ANKRD36B: variants seen among roughly 807,000 people sequenced by gnomAD.
The protein encoded by ANKRD36B is ankyrin repeat domain 36B.
Under a neutral mutation model 135.7 loss-of-function variants are expected in ANKRD36B, and 37 were observed. That is an observed-to-expected ratio of 0.27 (90% confidence interval 0.21 to 0.36). ANKRD36B has a LOEUF of 0.36. Ranked by LOEUF, ANKRD36B falls within the 10% of genes least tolerant of loss-of-function variation. ANKRD36B has a pLI of 1.00. For synonymous variants in ANKRD36B, 179 were observed against 348.1 expected (o/e 0.51, Z 5.41); for missense variants, 549 against 1,037.1 (o/e 0.53, Z 6.46).
rs2079746629 is a variant in ANKRD36B at position 97,548,780 on chromosome 2, C to T, written c.1477+639G>A. Among the ~76,000 whole-genome samples the T allele has an allele frequency of 1.3e-5, 2 of 151,922 alleles. 1 individual carries two copies. Among genetic ancestry groups the T allele is most frequent in the South Asian group, 4.1e-4 (2 of 4,828 alleles). Reference sequence around the variant, plus strand: ...AGTAATGACTCAGTGTGTTTTTATGCCAATTCTAGGATTGTTTCCTTCTTC... The same window carrying T: ...AGTAATGACTCAGTGTGTTTTTATGTCAATTCTAGGATTGTTTCCTTCTTC... On this transcript the variant is annotated intron_variant, in intron 20 of 43. Coordinates refer to ENST00000359901, the MANE Select transcript of ANKRD36B (RefSeq NM_001393939.1).
chr2:97,536,174 C>A, intron 34 of ANKRD36B, 126 bp downstream of exon 34: 1 of 420,098 alleles, frequency 2.4e-6, no homozygotes. Flanking sequence ...ATAACAGCTG[C>A]ATTATTTAGA....
Position 97,585,343 on chromosome 2 carries a change from C to G in ANKRD36B, c.217G>C (p.Val73Leu), listed in dbSNP as rs2082904821. The change falls in exon 2 of 44, where the codon GTG becomes CTG. Residue 73 changes from valine to leucine, a missense_variant. Physicochemically the swap from Val to Leu is conservative, Grantham distance 32 (BLOSUM62 1). Transcript: ENST00000359901. ...TGQPEMVHLL[V>L]SRRCELNLCD... ...AGGTTAAGCTCACATCTTCTGGACA[C>G]CAGGAGATGTACCATTTCCGGTTGG... 6.4e-7 allele frequency: 1 copy of G among 1,571,208 alleles called. No homozygotes were observed. Among genetic ancestry groups the G allele is most frequent in the Non-Finnish European group, 8.6e-7 (1 of 1,156,590 alleles).
At position 97,572,458 on chromosome 2, in the gene ANKRD36B, T is replaced by A. The variant is rs1211990174; in HGVS notation, c.763+3921A>T. ...AATTTAGAATTTAAAATTTAAAATT[T>A]AAAAAAATTTAAAAGACACCTTAAG... On this transcript the variant is annotated intron_variant, in intron 6 of 43. Transcript: ENST00000359901. Among the ~76,000 whole-genome samples, 10 of 82,104 alleles carry A rather than the reference T, an allele frequency of 1.2e-4. 4 individuals carry two copies. The allele number at this position is 82,104 out of a possible 152,430, so 53.9% of individuals were successfully genotyped here.
intron 6 of ANKRD36B, among the ~76,000 whole-genome samples, chr2:97,572,463 A>G: frequency 1.0e-5 from 1 of 100,226 alleles, no homozygotes. Context: ...AAATTTAAAA[A>G]AATTTAAAAG....
intron 26 of ANKRD36B, among the ~76,000 whole-genome samples, chr2:97,543,127 G>A (rs1332256046): frequency 9.9e-5 from 15 of 152,204 alleles, no homozygotes; most frequent in Admixed American, 9.2e-4. Context: ...CAGTAACAAA[G>A]AAGAGTAATT....
chr2:97,566,369 GA>G (rs938451100), intron 6 of ANKRD36B, among the ~76,000 whole-genome samples: 7 of 151,804 alleles, frequency 4.6e-5, no homozygotes, highest in African/African-American at 1.7e-4. Context: ...GACCTTATAG[GA>G]AAAAAAGTAT....
rs531011068 is a variant in ANKRD36B at position 97,550,663 on chromosome 2, C to G, written c.1375+626G>C. 8.6e-5 allele frequency among the ~76,000 whole-genome samples: 13 copies of G among 151,806 alleles called. No individual in the cohort carries two copies. The East Asian group carries it at 2.0e-3, about 23-fold the overall frequency. On this transcript the variant is annotated intron_variant, in intron 18 of 43. Coordinates refer to ENST00000359901, the MANE Select transcript of ANKRD36B (RefSeq NM_001393939.1). ...GTAATGAGTCATTGTGTTTTTATGC[C>G]AATTCAAGCACTGTTTCCTGCTTCC... is the stretch of plus-strand genomic sequence containing the variant.
At chr2:97,564,039 T>C (rs1322918806) in intron 6 of ANKRD36B, among the ~76,000 whole-genome samples, 1 of 151,992 alleles carries the variant, frequency 6.6e-6, no homozygotes, top group African/African-American at 2.4e-5. Flanking sequence ...AGTCATTTTG[T>C]GCACTGTCTG....
At chr2:97,555,698 G>GA (rs1369185434) in intron 12 of ANKRD36B, among the ~76,000 whole-genome samples, 1 of 151,866 alleles carries the variant, frequency 6.6e-6, no homozygotes, top group Non-Finnish European at 1.5e-5. Flanking sequence ...TGATAACTGA[G>GA]AAAGTACACA....
At position 97,529,939 on chromosome 2, in the gene ANKRD36B, T is replaced by C. The variant is rs914903663; in HGVS notation, c.2265+2372A>G. Among the ~76,000 whole-genome samples, 6 of 96,466 alleles carry C rather than the reference T, an allele frequency of 6.2e-5. 1 individual carries two copies. The highest frequency in any genetic ancestry group is 2.3e-4 in the East Asian group (1 of 4,368). The allele number at this position is 96,466 out of a possible 152,430, so 63.3% of individuals were successfully genotyped here. Reference sequence around the variant, plus strand: ...CAAATGGAAGAACATTCCATGCTCATGGGTAGGAAGAATCAGTATCGTTAA... The same window carrying C: ...CAAATGGAAGAACATTCCATGCTCACGGGTAGGAAGAATCAGTATCGTTAA... On this transcript the variant is annotated intron_variant, in intron 35 of 43. Coordinates refer to ENST00000359901, the MANE Select transcript of ANKRD36B (RefSeq NM_001393939.1).
intron 1 of ANKRD36B, among the ~76,000 whole-genome samples, chr2:97,587,003 G>A (rs1273238489): frequency 1.3e-5 from 2 of 152,012 alleles, no homozygotes; most frequent in South Asian, 2.1e-4. Flanking sequence ...GTGAAACCCC[G>A]TCTTTACTAA....
chr2:97,560,624 T>C lies in ANKRD36B; in HGVS notation c.865+41A>G, dbSNP rs982206213. 5.0e-6 allele frequency: 8 copies of C among 1,597,082 alleles called. No individual in the cohort carries two copies. In the African/African-American group the frequency reaches 5.4e-5, roughly 11 times the overall value. ...TTTGGGGAAGGGAATTTCTCTTCTA[T>C]CTTGATTGAACATGACATTAGATGT... On this transcript the variant is annotated intron_variant, in intron 8 of 43. Transcript: ENST00000359901.
intron 8 of ANKRD36B, 42 bp from the exon 9 acceptor site, chr2:97,559,036 T>C (rs1243815872): frequency 1.7e-5 from 27 of 1,601,692 alleles, no homozygotes; most frequent in Non-Finnish European, 2.3e-5. Context: ...CATGTACATA[T>C]GATAAATTTA....
At chr2:97,573,934 C>T (rs1380933768) in intron 6 of ANKRD36B, among the ~76,000 whole-genome samples, 2 of 152,036 alleles carry the variant, frequency 1.3e-5, no homozygotes, top group African/African-American at 4.8e-5. Flanking sequence ...CCATAAAAAC[C>T]CTAAAAGAAA....
chr2:97,558,945 T>C (rs775119328), intron 9 of ANKRD36B, 21 bp downstream of exon 9: 2 of 1,605,354 alleles, frequency 1.2e-6, no homozygotes, highest in Non-Finnish European at 1.7e-6. Flanking sequence ...TAGTTCAACA[T>C]ATAAATGAGA....
In ANKRD36B at chr2:97,560,683, C is replaced by T. The variant is rs762070702; in HGVS notation, c.847G>A (p.Gly283Arg). ...AAATTACCTGTCCCAGATATAGGTC[C>T]CTCCTTTATTTCTGTGGCTATATTT... ...VSNIATEIKE[G>R]PISGTVSSQK... is the part of the protein sequence containing the mutation. The change falls in exon 8 of 44, where the codon GGA becomes AGA. Residue 283 changes from glycine (G) to arginine (R), a missense_variant. Coordinates refer to ENST00000359901, the MANE Select transcript of ANKRD36B (RefSeq NM_001393939.1). 2.5e-6 allele frequency: 4 copies of T among 1,603,534 alleles called. No individual in the cohort carries two copies. Among genetic ancestry groups the T allele is most frequent in the Non-Finnish European group, 3.4e-6 (4 of 1,178,366 alleles).
In ANKRD36B at chr2:97,553,565, C is replaced by T. The variant is rs1428183662; in HGVS notation, c.1172-194G>A. On this transcript the variant is annotated intron_variant, in intron 14 of 43. Coordinates refer to ENST00000359901, the MANE Select transcript of ANKRD36B (RefSeq NM_001393939.1). ...AAACAGAAATAGATGTGTCACGATACATTCCTAACTATTTCAAACATAATA... is the reference window on the plus strand; with the variant it reads ...AAACAGAAATAGATGTGTCACGATATATTCCTAACTATTTCAAACATAATA... Among the ~76,000 whole-genome samples, 46 of 152,042 alleles carry T rather than the reference C, an allele frequency of 3.0e-4. No homozygotes were observed. The East Asian group carries it at 8.4e-3, about 28-fold the overall frequency.
intron 12 of ANKRD36B, among the ~76,000 whole-genome samples, chr2:97,555,685 G>C (rs1284875480): frequency 1.3e-5 from 2 of 151,886 alleles, no homozygotes; most frequent in Admixed American, 1.3e-4. Context: ...TCTTTAGCTT[G>C]CCTGATAACT....
intron 6 of ANKRD36B, among the ~76,000 whole-genome samples, chr2:97,571,537 C>A (rs1219626120): frequency 6.6e-6 from 1 of 151,790 alleles, no homozygotes; most frequent in Admixed American, 6.6e-5. Flanking sequence ...TCCCAGCTAC[C>A]TGGGAGGCTG....
Sources: allele counts gnomAD v4.1 joint callset (sites outside exome capture counted in the v4.1 genomes callset), GRCh38; gene constraint gnomAD v4.1.1; transcripts MANE v1.5; gene names NCBI Gene and HGNC (gene_info 2026-07-23, HGNC 2026-07-21).